The following CYP26B1 variants were observed in gnomAD, a reference collection of about 807,000 sequenced individuals.
CYP26B1 encodes the protein cytochrome P450 family 26 subfamily B member 1, also known as cytochrome P450 26B1.
In CYP26B1, 8 loss-of-function variants were observed where a neutral mutation model predicts 39.1. That is an observed-to-expected ratio of 0.20 (90% CI 0.12 to 0.37). CYP26B1 has a LOEUF of 0.37. Among genes scored for constraint, CYP26B1 ranks in the 10% least tolerant of loss-of-function variants. The pLI, the probability that CYP26B1 is intolerant of heterozygous loss-of-function variation, is 1.00. For synonymous variants in CYP26B1, 321 were observed against 314.3 expected (o/e 1.02, Z -0.23); for missense variants, 615 against 707.0 (o/e 0.87, Z 1.48).
In CYP26B1 at chr2:72,143,999, T is replaced by A. The variant is rs200324765; in HGVS notation, c.419A>T (p.Asn140Ile). ...GGGCAGAGTTCTTACCTTGCGCTTG[T>A]TGCGGTGGATGTCGCCAATGGAATT... Reference protein sequence around the residue: ...VSNSIGDIHRNKRKVFSKIFS... With the variant: ...VSNSIGDIHRIKRKVFSKIFS... Residue 140 changes from asparagine to isoleucine, a missense_variant, in exon 2 of 6, where the codon AAC becomes ATC. Coordinates refer to ENST00000001146, the MANE Select transcript of CYP26B1 (RefSeq NM_019885.4). 1.0e-4 allele frequency: 166 copies of A among 1,613,516 alleles called. No homozygotes were observed. The East Asian group carries it at 3.7e-3, about 36-fold the overall frequency.
Position 72,129,789 on chromosome 2 carries a change from G to C in CYP26B1, c.*2438C>G, listed in dbSNP as rs1676503987. 1 of 152,336 alleles carries C rather than the reference G, an allele frequency of 6.6e-6. No individual in the cohort carries two copies. The highest frequency in any genetic ancestry group is 1.5e-5 in the Non-Finnish European group (1 of 68,024). 9.4% of individuals were successfully genotyped at this position (152,336 alleles called of 1,614,324 possible). A position where few individuals can be genotyped will look rare whatever the true frequency, so the allele number is the denominator to read the frequency against. Reference sequence around the variant, plus strand: ...TTAAGGTCAAGTTGCAATAGTTAGGGATGATAAGTAAGAAACATCACCCAT... The same window carrying C: ...TTAAGGTCAAGTTGCAATAGTTAGGCATGATAAGTAAGAAACATCACCCAT... On this transcript the variant is annotated 3_prime_UTR_variant, in exon 6 of 6. Coordinates refer to ENST00000001146, the MANE Select transcript of CYP26B1 (RefSeq NM_019885.4).
chr2:72,133,399 A>T, intron 4 of CYP26B1, 92 bp from the exon 5 acceptor site: 1 of 1,490,066 alleles, frequency 6.7e-7, no homozygotes. Context: ...TGCCCAGGTC[A>T]TCTGTGCTGG....
At position 72,134,902 on chromosome 2, in the gene CYP26B1, C is replaced by T. The variant is rs780269180; in HGVS notation, c.720G>A (p.Arg240=). The T allele has an allele frequency of 6.2e-7, 1 of 1,614,056 alleles. No individual in the cohort carries two copies. The highest frequency in any genetic ancestry group is 8.5e-7 in the Non-Finnish European group (1 of 1,180,018). The stretch of plus-strand genomic sequence containing the variant: ...TCTCCAGCCCCTTCTGCAGGATCTG[C>T]CGAGCCTGAATGCCCTGCAGAGGTG... ...FSGYRRGIQA[R]QILQKGLEKA... The change falls in exon 4 of 6, where the codon CGG becomes CGA. Residue 240 remains arginine, a synonymous_variant. Transcript: ENST00000001146.
chr2:72,141,771 T>C (rs1676949937), intron 2 of CYP26B1, among the ~76,000 whole-genome samples: 1 of 152,206 alleles, frequency 6.6e-6, no homozygotes, highest in African/African-American at 2.4e-5. Flanking sequence ...TCTACCTACC[T>C]AGTTCCAGGA....
rs1480539884 is a variant in CYP26B1, at chr2:72,147,236, C to T, written c.204+395G>A. ...AGCGACACAGCCAACCCCAGAAAGC[C>T]GAGGGCGACTGGGGGCTTGCAGCAC... On this transcript the variant is annotated intron_variant, in intron 1 of 5. Coordinates refer to ENST00000001146, the MANE Select transcript of CYP26B1 (RefSeq NM_019885.4). This position sits in a 1 kb window ranked among gnomAD's most constrained non-coding sequence, Gnocchi z 6.1. Among the ~76,000 whole-genome samples the T allele has an allele frequency of 1.3e-5, 2 of 152,176 alleles. No homozygotes were observed. Among genetic ancestry groups the T allele is most frequent in the African/African-American group, 2.4e-5 (1 of 41,460 alleles).
At chr2:72,137,039 T>C (rs1572925797) in intron 2 of CYP26B1, among the ~76,000 whole-genome samples, 1 of 151,932 alleles carries the variant, frequency 6.6e-6, no homozygotes, top group African/African-American at 2.4e-5. Flanking sequence ...ATGCCAGAGG[T>C]GGGACAGGGA....
At chr2:72,137,758 G>A (rs1676820405) in intron 2 of CYP26B1, among the ~76,000 whole-genome samples, 2 of 152,194 alleles carry the variant, frequency 1.3e-5, no homozygotes, top group African/African-American at 4.8e-5. Flanking sequence ...ACTGGACTGA[G>A]AGAAGGACTC....
intron 1 of CYP26B1, 179 bp from the exon 2 acceptor site, chr2:72,144,392 G>T: frequency 7.1e-7 from 1 of 1,418,276 alleles, no homozygotes; most frequent in South Asian, 1.6e-5. Flanking sequence ...TGCGAAGTAG[G>T]GCCTAGAGGA....
chr2:72,132,386 G>C lies in CYP26B1; in HGVS notation c.1380C>G (p.Ser460Arg). The C allele has an allele frequency of 6.2e-7, 1 of 1,611,610 alleles. No individual in the cohort carries two copies. The highest frequency in any genetic ancestry group is 8.5e-7 in the Non-Finnish European group (1 of 1,178,640). ...FLKVLAVELA[S>R]TSRFELATRT... ...GTGTGGCCAGCTCAAAGCGGCTGGT[G>C]CTAGCCAGCTCCACCGCCAGCACCT... is the stretch of plus-strand genomic sequence containing the variant. Residue 460 changes from serine (S) to arginine (R), a missense_variant, in exon 6 of 6, where the codon AGC (serine) becomes AGG (arginine). By Grantham distance (110) the Ser-to-Arg change is moderately radical (BLOSUM62 -1). Transcript: ENST00000001146.
At chr2:72,138,656 G>T (rs1047063590) in intron 2 of CYP26B1, among the ~76,000 whole-genome samples, 8 of 152,268 alleles carry the variant, frequency 5.3e-5, no homozygotes, top group Admixed American at 4.6e-4. Flanking sequence ...TCCCCACCAC[G>T]GCTGGTGCCA....
chr2:72,146,505 GTC>G (rs1455469031), intron 1 of CYP26B1, among the ~76,000 whole-genome samples: 3 of 152,234 alleles, frequency 2.0e-5, no homozygotes, highest in African/African-American at 4.8e-5. Context: ...CCGCTCCGCT[GTC>G]ACTCGTCCCG....
chr2:72,145,321 C>T (rs1163212562), intron 1 of CYP26B1, among the ~76,000 whole-genome samples: 1 of 152,236 alleles, frequency 6.6e-6, no homozygotes, highest in Non-Finnish European at 1.5e-5. Context: ...AAAAGTGACT[C>T]TGCAGAACCC....
chr2:72,137,182 C>G (rs945398518), intron 2 of CYP26B1, among the ~76,000 whole-genome samples: 2 of 152,164 alleles, frequency 1.3e-5, no homozygotes, highest in African/African-American at 4.8e-5. Flanking sequence ...TGCCTCTCAC[C>G]CGGTGCCCTG....
chr2:72,144,236 T>C, intron 1 of CYP26B1, 23 bp from the exon 2 acceptor site: 3 of 1,571,036 alleles, frequency 1.9e-6, no homozygotes, highest in Non-Finnish European at 1.7e-6. Flanking sequence ...CACCCGGGTC[T>C]CTCTCAGGGT....
At position 72,135,282 on chromosome 2, in the gene CYP26B1, G is replaced by A. The variant is rs1330742278; in HGVS notation, c.567C>T (p.Thr189=). 6 of 1,614,004 alleles carry A rather than the reference G, an allele frequency of 3.7e-6. No individual in the cohort carries two copies. Among genetic ancestry groups the A allele is most frequent in the African/African-American group, 1.3e-5 (1 of 74,958 alleles). The change falls in exon 3 of 6, where the codon ACC becomes ACT. Residue 189 remains threonine, a synonymous_variant. Transcript: ENST00000001146. ...INVYQEAQKL[T]FRMAIRVLLG... is the part of the protein sequence containing the mutation. The stretch of plus-strand genomic sequence containing the variant: ...GCAGCACCCGGATGGCCATGCGGAA[G>A]GTCAGCTTCTGCGCCTCCTGGTACA...
intron 5 of CYP26B1, 30 bp downstream of exon 5, chr2:72,132,993 T>A (rs1322613580): frequency 6.2e-7 from 1 of 1,612,828 alleles, no homozygotes; most frequent in Admixed American, 1.7e-5. Flanking sequence ...TGCTCCCCCA[T>A]CGCCCCCGGT....
chr2:72,147,729 G>A lies in CYP26B1; in HGVS notation c.106C>T (p.Arg36Cys). The A allele has an allele frequency of 1.3e-6, 2 of 1,594,638 alleles. No homozygotes were observed. Among genetic ancestry groups the A allele is most frequent in the South Asian group, 1.1e-5 (1 of 88,504 alleles). The change falls in exon 1 of 6, where the codon CGC becomes TGC. Residue 36 changes from arginine (R) to cysteine (C), a missense_variant. Transcript: ENST00000001146. This position sits in a 1 kb window ranked among gnomAD's most constrained non-coding sequence, Gnocchi z 6.1. The part of the protein sequence containing the change: ...LAVSQQLWQL[R>C]WAATRDKSCK... ...CTCTTGTCGCGAGTGGCGGCCCAGC[G>A]CAGCTGCCACAGCTGCTGCGACACG...
chr2:72,144,009 T>G lies in CYP26B1; in HGVS notation c.409A>C (p.Ile137Leu). ...PNTVSNSIGD[I>L]HRNKRKVFSK... The stretch of plus-strand genomic sequence containing the variant: ...CTTACCTTGCGCTTGTTGCGGTGGA[T>G]GTCGCCAATGGAATTGGACACCGTG... The change falls in exon 2 of 6, where the codon ATC (isoleucine) becomes CTC (leucine). Residue 137 changes from isoleucine (I) to leucine (L), a missense_variant. Transcript: ENST00000001146. 6.2e-7 allele frequency: 1 copy of G among 1,613,632 alleles called. No individual in the cohort carries two copies. The highest frequency in any genetic ancestry group is 8.5e-7 in the Non-Finnish European group (1 of 1,180,022).
chr2:72,135,606 G>A lies in CYP26B1; in HGVS notation c.430-187C>T, dbSNP rs570357444. Among the ~76,000 whole-genome samples the A allele has an allele frequency of 7.6e-3, 1,150 of 152,272 alleles. 9 individuals carry two copies. Among genetic ancestry groups the A allele is most frequent in the Non-Finnish European group, 0.013 (872 of 68,014 alleles). On this transcript the variant is annotated intron_variant, in intron 2 of 5. Transcript: ENST00000001146. Reference sequence around the variant, plus strand: ...GGGATGTGGCTTGTGAGGGGCATAAGTGGGGGCTGGGCAGGGCCAGAGCAG... The same window carrying A: ...GGGATGTGGCTTGTGAGGGGCATAAATGGGGGCTGGGCAGGGCCAGAGCAG...
Sources: gnomAD v4.1 joint callset for allele counts (sites outside exome capture counted in the v4.1 genomes callset) on GRCh38, gnomAD v4.1.1 for gene constraint, Gnocchi (gnomAD v3.1) non-coding constraint, MANE v1.5 for transcripts, NCBI Gene and HGNC (gene_info 2026-07-23, HGNC 2026-07-21) for gene names.